The following EPHA6 variants were observed in gnomAD, a reference collection of about 807,000 sequenced individuals.
EPHA6 encodes the protein EPH receptor A6, also known as ephrin type-A receptor 6.
Under a neutral mutation model 112.0 loss-of-function variants are expected in EPHA6, and 50 were observed. The observed-to-expected ratio is 0.45, with a 90% CI of 0.36 to 0.56. The LOEUF (loss-of-function observed/expected upper bound fraction) is 0.56. EPHA6 is among the 20% of genes least tolerant of loss of function. The pLI, the probability that EPHA6 is intolerant of heterozygous loss-of-function variation, is 0.00. For synonymous variants in EPHA6, 529 were observed against 490.7 expected (o/e 1.08, Z -1.03); for missense variants, 1,280 against 1,417.4 (o/e 0.90, Z 1.56).
intron 5 of EPHA6, among the ~76,000 whole-genome samples, chr3:97,361,434 A>G (rs754492748): frequency 2.0e-5 from 3 of 152,190 alleles, no homozygotes; most frequent in East Asian, 1.9e-4. Context: ...AATATGAATC[A>G]TACAGTTCGG....
chr3:96,947,884 A>G (rs1235253199), intron 2 of EPHA6, among the ~76,000 whole-genome samples: 2 of 152,182 alleles, frequency 1.3e-5, no homozygotes, highest in South Asian at 2.1e-4. Flanking sequence ...TCTTCACAGA[A>G]TTGGAAAAAA....
intron 15 of EPHA6, among the ~76,000 whole-genome samples, chr3:97,734,701 A>G (rs2035181586): frequency 6.6e-6 from 1 of 152,064 alleles, no homozygotes; most frequent in African/African-American, 2.4e-5. Context: ...TTGCATTTTT[A>G]TATTTCTGTA....
rs144754891 is a variant in EPHA6, at chr3:97,573,562, A to G, written c.2387-19050A>G. Among the ~76,000 whole-genome samples, 330 of 152,070 alleles carry G rather than the reference A, an allele frequency of 2.2e-3. 1 individual carries two copies. Among genetic ancestry groups the G allele is most frequent in the African/African-American group, 7.8e-3 (324 of 41,566 alleles). ...GTCCAAAAGTAAGGTAACCAGTATG[A>G]TGAGATTTTTATTTATTTTTTATTT... is the stretch of plus-strand genomic sequence containing the variant. On this transcript the variant is annotated intron_variant, in intron 11 of 17. Transcript: ENST00000389672.
intron 7 of EPHA6, among the ~76,000 whole-genome samples, chr3:97,454,329 ATAGT>A (rs1293038714): frequency 2.6e-5 from 4 of 151,900 alleles, no homozygotes; most frequent in East Asian, 3.8e-4. Context: ...TGTTTTACAC[ATAGT>A]TAGGTTCCAA....
intron 5 of EPHA6, among the ~76,000 whole-genome samples, chr3:97,332,575 T>G (rs1005491607): frequency 6.6e-6 from 1 of 152,152 alleles, no homozygotes; most frequent in African/African-American, 2.4e-5. Context: ...CTAAAAGTTT[T>G]ATGTTTTTAT....
chr3:96,866,650 T>C (rs983538168), intron 1 of EPHA6, among the ~76,000 whole-genome samples, 175 bp from the exon 2 acceptor site: 27 of 151,856 alleles, frequency 1.8e-4, no homozygotes, highest in African/African-American at 5.8e-4. Context: ...TACTTAATAC[T>C]ATTTTATATT....
At chr3:97,371,285 T>C (rs2085038697) in intron 5 of EPHA6, among the ~76,000 whole-genome samples, 1 of 152,148 alleles carries the variant, frequency 6.6e-6, no homozygotes. Flanking sequence ...GTTGGGGTGT[T>C]ACGGGAAGTC....
At chr3:97,193,310 T>C (rs1156848634) in intron 3 of EPHA6, among the ~76,000 whole-genome samples, 1 of 152,122 alleles carries the variant, frequency 6.6e-6, no homozygotes, top group Non-Finnish European at 1.5e-5. Context: ...CTCTTGAGTT[T>C]TTTTGCATCA....
intron 5 of EPHA6, among the ~76,000 whole-genome samples, chr3:97,248,334 A>G (rs937419537): frequency 1.3e-5 from 2 of 152,056 alleles, no homozygotes; most frequent in African/African-American, 4.8e-5. Flanking sequence ...TTAGAGAGCA[A>G]AACAAGAAAG....
chr3:97,210,833 C>A (rs1355340681), intron 3 of EPHA6, among the ~76,000 whole-genome samples: 1 of 152,210 alleles, frequency 6.6e-6, no homozygotes, highest in African/African-American at 2.4e-5. Flanking sequence ...CCCCATGCAG[C>A]ATCAGCTGGA....
chr3:97,176,916 T>A lies in EPHA6; in HGVS notation c.1115-49348T>A, dbSNP rs550129923. On this transcript the variant is annotated intron_variant, in intron 3 of 17. Coordinates refer to ENST00000389672, the MANE Select transcript of EPHA6 (RefSeq NM_001080448.3). ...TTCAGCTGTGATCTTTATTGTTTCTTCTACTAGTTTGGGTTTGGTTTGCTC... is the reference window on the plus strand; with the variant it reads ...TTCAGCTGTGATCTTTATTGTTTCTACTACTAGTTTGGGTTTGGTTTGCTC... Among the ~76,000 whole-genome samples the A allele has an allele frequency of 2.0e-5, 3 of 151,926 alleles. No homozygotes were observed. The South Asian group carries it at 6.2e-4, about 31-fold the overall frequency.
rs1013403755 is a variant in EPHA6, at chr3:97,449,196, A to G, written c.1894+466A>G. On this transcript the variant is annotated intron_variant, in intron 7 of 17. Coordinates refer to ENST00000389672, the MANE Select transcript of EPHA6 (RefSeq NM_001080448.3). The stretch of plus-strand genomic sequence containing the variant: ...GATGCATGGGCTTCATCAGAAACCC[A>G]CATTAATTCCGGGACCTCAACATGC... 9.2e-5 allele frequency among the ~76,000 whole-genome samples: 14 copies of G among 152,284 alleles called. No individual in the cohort carries two copies. In the South Asian group the frequency reaches 2.9e-3, roughly 32 times the overall value.
chr3:97,078,772 C>T (rs970055949), intron 3 of EPHA6, among the ~76,000 whole-genome samples: 2 of 152,012 alleles, frequency 1.3e-5, no homozygotes, highest in Non-Finnish European at 2.9e-5. Context: ...CAGATGCAAT[C>T]TTGTGATAAA....
At chr3:97,204,001 A>G (rs574746129) in intron 3 of EPHA6, among the ~76,000 whole-genome samples, 53 of 152,310 alleles carry the variant, frequency 3.5e-4, no homozygotes, top group African/African-American at 1.2e-3. Context: ...AATGAAAAAA[A>G]AAGAAAAATA....
chr3:97,315,013 T>C (rs2108764092), intron 5 of EPHA6, among the ~76,000 whole-genome samples: 1 of 151,774 alleles, frequency 6.6e-6, no homozygotes, highest in East Asian at 1.9e-4. Flanking sequence ...TGTTTTCAAC[T>C]TCTGGTTGAA....
intron 14 of EPHA6, among the ~76,000 whole-genome samples, chr3:97,671,183 A>G (rs1243280881): frequency 6.6e-6 from 1 of 152,196 alleles, no homozygotes; most frequent in Non-Finnish European, 1.5e-5. Flanking sequence ...CTGTATCACA[A>G]ATAGCTCCCT....
At chr3:97,592,503 C>T in intron 11 of EPHA6, 109 bp from the exon 12 acceptor site, 7 of 1,301,612 alleles carry the variant, frequency 5.4e-6, no homozygotes, top group Non-Finnish European at 7.5e-6. Flanking sequence ...TTTATAACTT[C>T]TTCGTAAAAT....
At chr3:97,094,325 A>G (rs2047171050) in intron 3 of EPHA6, among the ~76,000 whole-genome samples, 1 of 152,170 alleles carries the variant, frequency 6.6e-6, no homozygotes, top group Non-Finnish European at 1.5e-5. Flanking sequence ...TTTCCAAACC[A>G]TTAAAGAGTG....
intron 3 of EPHA6, among the ~76,000 whole-genome samples, chr3:97,052,021 TA>T (rs1157984202): frequency 6.6e-6 from 1 of 152,170 alleles, no homozygotes; most frequent in African/African-American, 2.4e-5. Flanking sequence ...GTGCCAACTA[TA>T]AATTTGTTTA....
Sources: gnomAD v4.1 joint callset for allele counts (sites outside exome capture counted in the v4.1 genomes callset) on GRCh38, gnomAD v4.1.1 for gene constraint, MANE v1.5 for transcripts, NCBI Gene and HGNC (gene_info 2026-07-23, HGNC 2026-07-21) for gene names.